Variants in FOXP1 observed in about 807,000 individuals in gnomAD.
FOXP1 encodes forkhead box protein P1.
A neutral mutation model predicts 98.2 loss-of-function variants in FOXP1; 15 were observed. That is an observed-to-expected ratio of 0.15 (90% CI 0.10 to 0.24). The LOEUF (loss-of-function observed/expected upper bound fraction) is 0.24, where lower values mean the gene tolerates loss of function less well. Among genes scored for constraint, FOXP1 ranks in the 10% least tolerant of loss-of-function variants. The pLI is 1.00. For synonymous variants in FOXP1, 371 were observed against 314.5 expected (o/e 1.18, Z -1.90); for missense variants, 633 against 848.5 (o/e 0.75, Z 3.15).
chr3:71,158,353 T>C (rs1433224593), intron 6 of FOXP1, among the ~76,000 whole-genome samples: 2 of 151,556 alleles, frequency 1.3e-5, no homozygotes, highest in African/African-American at 2.4e-5. Context: ...ATATAATAAA[T>C]AGTGCCCAGG....
At chr3:71,371,612 T>C (rs545091664) in intron 3 of FOXP1, among the ~76,000 whole-genome samples, 9 of 152,046 alleles carry the variant, frequency 5.9e-5, no homozygotes, top group African/African-American at 2.2e-4. Flanking sequence ...ACGGCAAGAT[T>C]CCATTACAAT....
At chr3:71,175,826 C>T (rs1219360827) in intron 6 of FOXP1, among the ~76,000 whole-genome samples, 1 of 152,202 alleles carries the variant, frequency 6.6e-6, no homozygotes, top group Non-Finnish European at 1.5e-5. Context: ...TGAGTACTAT[C>T]TTTTATTTAT....
chr3:71,135,511 C>T (rs2059782913), intron 6 of FOXP1, among the ~76,000 whole-genome samples: 2 of 152,088 alleles, frequency 1.3e-5, no homozygotes, highest in Non-Finnish European at 2.9e-5. Flanking sequence ...CTGCCCTGTT[C>T]CTTGGAGGGG....
At chr3:71,413,341 CAT>C (rs2082947051) in intron 3 of FOXP1, among the ~76,000 whole-genome samples, 1 of 148,576 alleles carries the variant, frequency 6.7e-6, no homozygotes, top group Non-Finnish European at 1.5e-5. Context: ...ACACTTCATC[CAT>C]ATGACACAAT....
intron 14 of FOXP1, among the ~76,000 whole-genome samples, chr3:70,980,589 T>C (rs985195040): frequency 2.6e-5 from 4 of 152,342 alleles, no homozygotes; most frequent in Admixed American, 1.3e-4. Flanking sequence ...TCTAGATCCT[T>C]TGTATAATCA....
intron 3 of FOXP1, among the ~76,000 whole-genome samples, chr3:71,381,072 T>TC (rs993229078): frequency 2.0e-5 from 3 of 152,170 alleles, no homozygotes; most frequent in African/African-American, 7.2e-5. Context: ...TTTGACCTGG[T>TC]CGTCCCTTCT....
At chr3:71,334,003 T>C (rs532175097) in intron 4 of FOXP1, 5 of 147,748 alleles carry the variant, frequency 3.4e-5, no homozygotes, top group East Asian at 2.0e-4. Flanking sequence ...TAAAAAAAAC[T>C]AGAAGGTTAA....
intron 6 of FOXP1, among the ~76,000 whole-genome samples, chr3:71,141,426 C>G (rs536143629): frequency 5.9e-5 from 9 of 152,174 alleles, no homozygotes; most frequent in Admixed American, 3.3e-4. Context: ...TCCCCTCCCC[C>G]ACTTTTAAGA....
intron 7 of FOXP1, among the ~76,000 whole-genome samples, chr3:71,065,088 C>T (rs2052283464): frequency 6.7e-6 from 1 of 148,902 alleles, no homozygotes. Context: ...GCCCCGCGCC[C>T]GCGCGCCCCG....
chr3:71,405,497 A>T (rs1421124933), intron 3 of FOXP1, among the ~76,000 whole-genome samples: 11 of 152,198 alleles, frequency 7.2e-5, no homozygotes, highest in Non-Finnish European at 1.6e-4. Flanking sequence ...GGAAAAACTG[A>T]AGCTAAGAGA....
chr3:71,102,290 C>T (rs138743357), intron 7 of FOXP1, among the ~76,000 whole-genome samples: 21 of 152,272 alleles, frequency 1.4e-4, no homozygotes, highest in Admixed American at 3.3e-4. Context: ...ATACACAGTA[C>T]ACATAATAAA....
chr3:70,958,809 T>C lies in FOXP1; in HGVS notation c.*438A>G, dbSNP rs1406720606. The C allele has an allele frequency of 2.0e-5, 5 of 249,130 alleles. No individual in the cohort carries two copies. Among genetic ancestry groups the C allele is most frequent in the Admixed American group, 7.6e-5 (1 of 13,072 alleles). The allele number at this position is 249,130 out of a possible 1,614,324, so 15.4% of individuals were successfully genotyped here. On this transcript the variant is annotated 3_prime_UTR_variant, in exon 21 of 21. Transcript: ENST00000649528. ...TAATCAACATGCAGTACTGTGCAAA[T>C]AGGTCGTCCATTGGAATCCTTAAAT...
At chr3:71,250,230 G>A (rs190636450) in intron 5 of FOXP1, among the ~76,000 whole-genome samples, 1 of 152,296 alleles carries the variant, frequency 6.6e-6, no homozygotes, top group East Asian at 1.9e-4. Flanking sequence ...GTCTCCAGAC[G>A]TTGCCAAATG....
intron 5 of FOXP1, among the ~76,000 whole-genome samples, chr3:71,222,359 T>G (rs2108510112): frequency 6.6e-6 from 1 of 152,298 alleles, no homozygotes; most frequent in South Asian, 2.1e-4. Flanking sequence ...GCTTCCCTGA[T>G]AGCACATCCT....
intron 2 of FOXP1, among the ~76,000 whole-genome samples, chr3:71,517,107 C>T (rs2042636263): frequency 6.6e-6 from 1 of 151,934 alleles, no homozygotes; most frequent in South Asian, 2.1e-4. Flanking sequence ...TACTTTAATA[C>T]AAAGTTTCAA....
chr3:71,185,432 A>C (rs2062588579), intron 6 of FOXP1, among the ~76,000 whole-genome samples: 1 of 152,220 alleles, frequency 6.6e-6, no homozygotes, highest in Non-Finnish European at 1.5e-5. Context: ...ATTAGGTATT[A>C]TGGTTTCAGT....
In FOXP1 at chr3:71,267,410, C is replaced by A. The variant is rs527923160; in HGVS notation, c.-12+32410G>T. Among the ~76,000 whole-genome samples, 22 of 152,088 alleles carry A rather than the reference C, an allele frequency of 1.4e-4. 1 individual carries two copies. In the South Asian group the frequency reaches 4.6e-3, roughly 32 times the overall value. ...GATGGCTAGATGTTCTTGAAGCATC[C>A]AAGAGAGGTCATGGAAAGACAAGAG... On this transcript the variant is annotated intron_variant, in intron 5 of 20. Transcript: ENST00000649528.
chr3:71,014,861 A>G (rs2044207762), intron 12 of FOXP1, among the ~76,000 whole-genome samples: 1 of 152,200 alleles, frequency 6.6e-6, no homozygotes, highest in Admixed American at 6.5e-5. Context: ...TGAAGCTGGA[A>G]ACCATAATTC....
rs144898666 is a variant in FOXP1 at position 71,445,846 on chromosome 3, C to T, written c.-168+47580G>A. On this transcript the variant is annotated intron_variant, in intron 3 of 20. Coordinates refer to ENST00000649528, the MANE Select transcript of FOXP1 (RefSeq NM_001349338.3). The stretch of plus-strand genomic sequence containing the variant: ...GCGGATTACAGGCACGTGACCCAAC[C>T]CCAGCTAATTTTGTATTTTTAGTAG... Among the ~76,000 whole-genome samples the T allele has an allele frequency of 5.1e-3, 772 of 151,996 alleles. 5 individuals are homozygous for T. Among genetic ancestry groups the T allele is most frequent in the Non-Finnish European group, 7.2e-3 (490 of 67,976 alleles).
Sources: gnomAD v4.1 joint callset for allele counts (sites outside exome capture counted in the v4.1 genomes callset) on GRCh38, gnomAD v4.1.1 for gene constraint, MANE v1.5 for transcripts, NCBI Gene and HGNC (gene_info 2026-07-23, HGNC 2026-07-21) for gene names.